RNF214: variants seen among roughly 807,000 people sequenced by gnomAD.
RNF214 encodes the protein ring finger protein 214.
RNF214 carries 25 observed loss-of-function variants against 75.9 expected under a neutral mutation model. The observed-to-expected ratio is 0.33, with a 90% CI of 0.24 to 0.46. The LOEUF (loss-of-function observed/expected upper bound fraction) is 0.46. Among genes scored for constraint, RNF214 ranks in the 20% least tolerant of loss-of-function variants. The pLI is 1.00. For synonymous variants in RNF214, 314 were observed against 308.8 expected (o/e 1.02, Z -0.18); for missense variants, 725 against 857.5 (o/e 0.85, Z 1.93).
chr11:117,251,070 C>G (rs1186490816), intron 6 of RNF214, among the ~76,000 whole-genome samples: 1 of 150,814 alleles, frequency 6.6e-6, no homozygotes, highest in Non-Finnish European at 1.5e-5. Context: ...CACCTTTCCC[C>G]CCTTTCTATT....
intron 5 of RNF214, among the ~76,000 whole-genome samples, chr11:117,245,180 G>A (rs937967028): frequency 6.7e-6 from 1 of 150,180 alleles, no homozygotes; most frequent in Non-Finnish European, 1.5e-5. Context: ...TGAGCCGGGC[G>A]TGGTGGTGTG....
chr11:117,266,542 C>G (rs1393863391), intron 6 of RNF214, among the ~76,000 whole-genome samples: 1 of 151,766 alleles, frequency 6.6e-6, no homozygotes, highest in Non-Finnish European at 1.5e-5. Flanking sequence ...GTATTTTGTT[C>G]AGAGACAGGG....
intron 2 of RNF214, among the ~76,000 whole-genome samples, chr11:117,235,663 C>T (rs922287033): frequency 7.9e-5 from 12 of 152,134 alleles, no homozygotes; most frequent in Admixed American, 1.3e-4. Flanking sequence ...CCCAGCACCA[C>T]GCCTGGCTAA....
At chr11:117,244,645 A>G in intron 5 of RNF214, 60 bp downstream of exon 5, 2 of 1,318,508 alleles carry the variant, frequency 1.5e-6, no homozygotes, top group Non-Finnish European at 2.1e-6. Flanking sequence ...TCAAACTTTA[A>G]TTTTTTAAAA....
At chr11:117,235,438 C>T (rs933917498) in intron 2 of RNF214, among the ~76,000 whole-genome samples, 6 of 150,836 alleles carry the variant, frequency 4.0e-5, no homozygotes, top group South Asian at 4.2e-4. Context: ...CCTCGTGATC[C>T]GCCTGCCTCG....
intron 6 of RNF214, among the ~76,000 whole-genome samples, chr11:117,257,619 A>G (rs143066949): frequency 6.6e-6 from 1 of 152,316 alleles, no homozygotes; most frequent in East Asian, 1.9e-4. Context: ...ATGGAAGGGA[A>G]TTTTTGGTGG....
chr11:117,282,461 C>G lies in RNF214; in HGVS notation c.1770C>G (p.Gly590=), dbSNP rs570304822. 1 of 1,614,196 alleles carries G rather than the reference C, an allele frequency of 6.2e-7. No homozygotes were observed. Among genetic ancestry groups the G allele is most frequent in the African/African-American group, 1.3e-5 (1 of 75,046 alleles). ...AGACAGCACGTACCACCATGGCAGGCCTGACCATGGAGGAACTTATCCAGT... is the reference window on the plus strand; with the variant it reads ...AGACAGCACGTACCACCATGGCAGGGCTGACCATGGAGGAACTTATCCAGT... ...QIKTARTTMA[G]LTMEELIQLV... is the part of the protein sequence containing the mutation. Residue 590 remains glycine, a synonymous_variant, in exon 12 of 15, where the codon GGC becomes GGG. Transcript: ENST00000300650.
chr11:117,245,922 G>A (rs1476260287), intron 5 of RNF214, among the ~76,000 whole-genome samples: 1 of 152,128 alleles, frequency 6.6e-6, no homozygotes, highest in African/African-American at 2.4e-5. Flanking sequence ...CTTATGGGTG[G>A]AAGTGGTATG....
intron 6 of RNF214, among the ~76,000 whole-genome samples, chr11:117,264,749 G>A (rs899998625): frequency 6.6e-6 from 1 of 151,966 alleles, no homozygotes; most frequent in Non-Finnish European, 1.5e-5. Flanking sequence ...GCCTTTCTAT[G>A]TTTCTGTATG....
chr11:117,267,038 C>T (rs1485540802), intron 6 of RNF214, among the ~76,000 whole-genome samples: 2 of 150,846 alleles, frequency 1.3e-5, no homozygotes, highest in African/African-American at 2.4e-5. Context: ...ACCCAGCACT[C>T]GCTGTGGTGC....
chr11:117,281,715 G>A lies in RNF214; in HGVS notation c.1335+17G>A, dbSNP rs772949584. The A allele has an allele frequency of 2.5e-6, 4 of 1,591,632 alleles. No homozygotes were observed. Among genetic ancestry groups the A allele is most frequent in the Admixed American group, 3.3e-5 (2 of 59,814 alleles). On this transcript the variant is annotated intron_variant, in intron 10 of 14. Coordinates refer to ENST00000300650, the MANE Select transcript of RNF214 (RefSeq NM_207343.4). ...CCATCAGAGGTAAGAGAGTGGCTTT[G>A]GGGGGAAGTTCACCTTTCTGTGTTG...
rs189482158 is a variant in RNF214, at chr11:117,238,172, T to C, written c.108-429T>C. Among the ~76,000 whole-genome samples, 323 of 152,256 alleles carry C rather than the reference T, an allele frequency of 2.1e-3. 1 individual carries two copies. Among genetic ancestry groups the C allele is most frequent in the Non-Finnish European group, 4.0e-3 (270 of 68,020 alleles). On this transcript the variant is annotated intron_variant, in intron 2 of 14. Coordinates refer to ENST00000300650, the MANE Select transcript of RNF214 (RefSeq NM_207343.4). ...CTATAATTCCAACACTTTGGGAGGC[T>C]GAGGCAGGCAGATGGATCCCTTGAG...
chr11:117,278,441 TA>T (rs1380676662), intron 6 of RNF214, among the ~76,000 whole-genome samples: 3 of 152,266 alleles, frequency 2.0e-5, no homozygotes, highest in Non-Finnish European at 4.4e-5. Flanking sequence ...CTTCCAGCTA[TA>T]AAACTTTACC....
At chr11:117,281,211 T>C (rs1365468554) in intron 8 of RNF214, 103 bp from the exon 9 acceptor site, 4 of 762,208 alleles carry the variant, frequency 5.2e-6, no homozygotes, top group Non-Finnish European at 9.1e-6. Context: ...TGAGCTCAAG[T>C]GATCTGCCCG....
chr11:117,245,199 G>A (rs1422563064), intron 5 of RNF214, among the ~76,000 whole-genome samples: 1 of 150,430 alleles, frequency 6.6e-6, no homozygotes, highest in Non-Finnish European at 1.5e-5. Flanking sequence ...TGCACCTGTG[G>A]TCCCAGCTAC....
At chr11:117,248,108 C>T (rs2033275738) in intron 6 of RNF214, among the ~76,000 whole-genome samples, 1 of 152,070 alleles carries the variant, frequency 6.6e-6, no homozygotes, top group Non-Finnish European at 1.5e-5. Context: ...CGGAGTCTTG[C>T]TCTGTTCCCC....
At chr11:117,244,670 A>C in intron 5 of RNF214, 85 bp downstream of exon 5, 1 of 1,047,842 alleles carries the variant, frequency 9.5e-7, no homozygotes, top group Non-Finnish European at 1.3e-6. Flanking sequence ...TTATTTATTT[A>C]TTTATTTATT....
At chr11:117,235,421 C>T (rs1378000556) in intron 2 of RNF214, among the ~76,000 whole-genome samples, 2 of 151,182 alleles carry the variant, frequency 1.3e-5, no homozygotes, top group Non-Finnish European at 1.5e-5. Context: ...TGGTCTCGAT[C>T]TCCTGACCTC....
chr11:117,260,570 G>C (rs9971587), intron 6 of RNF214, among the ~76,000 whole-genome samples: 3 of 151,314 alleles, frequency 2.0e-5, no homozygotes, highest in African/African-American at 2.4e-5. Flanking sequence ...CACTTTGGGA[G>C]GTCAAATCAC....
Sources: allele counts gnomAD v4.1 joint callset (sites outside exome capture counted in the v4.1 genomes callset), GRCh38; gene constraint gnomAD v4.1.1; transcripts MANE v1.5; gene names NCBI Gene and HGNC (gene_info 2026-07-23, HGNC 2026-07-21).